Variants in NPHP4 observed in about 807,000 individuals in gnomAD.
NPHP4 encodes nephrocystin 4.
In NPHP4, 151 loss-of-function variants were observed where a neutral mutation model predicts 155.8. The ratio of observed to expected loss-of-function variants is 0.97; its 90% CI spans 0.85 to 1.11. The LOEUF is 1.11. Among genes scored for constraint, NPHP4 ranks in the 50% least tolerant of loss-of-function variants. The pLI, the probability that NPHP4 is intolerant of heterozygous loss-of-function variation, is 0.00. For synonymous variants in NPHP4, 845 were observed against 816.8 expected, an observed-to-expected ratio of 1.03 and a Z score of -0.59; for missense variants, 1,956 against 1,925.7, an observed-to-expected ratio of 1.02 and a Z score of -0.29.
Position 5,864,001 on chromosome 1 carries a change from C to T in NPHP4, c.4029G>A (p.Gly1343=). 3 of 1,613,704 alleles carry T rather than the reference C, an allele frequency of 1.9e-6. No individual in the cohort carries two copies. The highest frequency in any genetic ancestry group is 2.5e-6 in the Non-Finnish European group (3 of 1,179,766). The change falls in exon 29 of 30, where the codon GGG becomes GGA. Residue 1343 remains glycine (G), a synonymous_variant. Coordinates refer to ENST00000378156, the MANE Select transcript of NPHP4 (RefSeq NM_015102.5). ...AFEIMLAAGE[G]KGVNKRITYT... ...AGGTGATCCTCTTGTTGACACCCTT[C>T]CCTTCGCCCGCAGCCAACATGATCT... is the stretch of plus-strand genomic sequence containing the variant.
intron 11 of NPHP4, among the ~76,000 whole-genome samples, chr1:5,915,996 C>T (rs760073855): frequency 4.6e-5 from 7 of 152,198 alleles, no homozygotes; most frequent in Non-Finnish European, 2.9e-5. Flanking sequence ...AGGAATCTAA[C>T]TCCACGTGTC....
intron 12 of NPHP4, among the ~76,000 whole-genome samples, chr1:5,908,826 C>G (rs538540347): frequency 6.6e-6 from 1 of 152,304 alleles, no homozygotes; most frequent in South Asian, 2.1e-4. Context: ...GACCACACCT[C>G]GATGTCTCTC....
At chr1:5,957,109 A>C (rs544405961) in intron 6 of NPHP4, among the ~76,000 whole-genome samples, 1 of 152,342 alleles carries the variant, frequency 6.6e-6, no homozygotes, top group African/African-American at 2.4e-5. Flanking sequence ...ACTGCAGCAG[A>C]GGCGTTCTGC....
At chr1:5,902,095 C>CCT (rs1378809640) in intron 16 of NPHP4, among the ~76,000 whole-genome samples, 2 of 152,236 alleles carry the variant, frequency 1.3e-5, no homozygotes, top group African/African-American at 4.8e-5. Flanking sequence ...CTTCCTGTGG[C>CCT]CTCTCTCTGC....
At chr1:5,980,430 C>A (rs551890852) in intron 2 of NPHP4, among the ~76,000 whole-genome samples, 74 of 152,362 alleles carry the variant, frequency 4.9e-4, no homozygotes, top group Non-Finnish European at 8.8e-4. Flanking sequence ...AGCGTTCAGG[C>A]AGGCCTCACG....
intron 3 of NPHP4, among the ~76,000 whole-genome samples, chr1:5,971,972 C>A (rs1314475015): frequency 6.6e-6 from 1 of 152,254 alleles, no homozygotes; most frequent in Non-Finnish European, 1.5e-5. Flanking sequence ...TTAATGCCTT[C>A]ATCTTCAAAA....
intron 23 of NPHP4, among the ~76,000 whole-genome samples, chr1:5,869,296 T>G (rs1053109411): frequency 4.8e-5 from 7 of 145,528 alleles, no homozygotes; most frequent in African/African-American, 1.5e-4. Flanking sequence ...TGTACACAGA[T>G]GCACAAATAC....
At chr1:5,990,586 A>G (rs895433784) in intron 1 of NPHP4, among the ~76,000 whole-genome samples, 1 of 152,218 alleles carries the variant, frequency 6.6e-6, no homozygotes, top group Non-Finnish European at 1.5e-5. Flanking sequence ...ACAGATGAGA[A>G]CACTGAGACT....
chr1:5,936,691 C>T (rs1646558024), intron 9 of NPHP4, among the ~76,000 whole-genome samples: 1 of 152,190 alleles, frequency 6.6e-6, no homozygotes, highest in Non-Finnish European at 1.5e-5. Context: ...ACAGAAGTGC[C>T]ACACTTGCAT....
At position 5,944,750 on chromosome 1, in the gene NPHP4, A is replaced by C. The variant is rs1171437382; in HGVS notation, c.1119+2354T>G. Among the ~76,000 whole-genome samples, 1 of 152,190 alleles carries C rather than the reference A, an allele frequency of 6.6e-6. No homozygotes were observed. The highest frequency in any genetic ancestry group is 1.5e-5 in the Non-Finnish European group (1 of 68,034). ...TTTGGGAGGCCAAGGAGGGCAGATC[A>C]CTTGAGGTCAGAAGTCTGAGACCTG... On this transcript the variant is annotated intron_variant, in intron 9 of 29. Transcript: ENST00000378156. The surrounding 1 kb of genome is among the most constrained non-coding windows in gnomAD (Gnocchi z 4.3).
chr1:5,945,971 C>T (rs1019382218), intron 9 of NPHP4, among the ~76,000 whole-genome samples: 1 of 152,128 alleles, frequency 6.6e-6, no homozygotes, highest in Non-Finnish European at 1.5e-5. Context: ...CCACCCATTG[C>T]AGTTGAGAGG....
rs1374687295 is a variant in NPHP4, at chr1:5,874,578, G to A, written c.3124C>T (p.His1042Tyr). ...TGGGGGGCCAGGCTGCCACGCAGGT[G>A]GAACATGTCCTCCTCCACCGGTGTG... ...LHTPVEEDMF[H>Y]LRGSLAPQLY... The change falls in exon 22 of 30, where the codon CAC becomes TAC. Residue 1042 changes from histidine to tyrosine, a missense_variant. Transcript: ENST00000378156. 1 of 1,610,038 alleles carries A rather than the reference G, an allele frequency of 6.2e-7. No individual in the cohort carries two copies. Among genetic ancestry groups the A allele is most frequent in the Non-Finnish European group, 8.5e-7 (1 of 1,178,650 alleles).
chr1:5,986,358 A>C, intron 1 of NPHP4, 31 bp from the exon 2 acceptor site: 2 of 1,571,514 alleles, frequency 1.3e-6, no homozygotes, highest in South Asian at 2.3e-5. Flanking sequence ...TAAAGAGAAG[A>C]GCTGTGAGGG....
chr1:5,970,398 G>A (rs1021496087), intron 3 of NPHP4, among the ~76,000 whole-genome samples: 1 of 152,078 alleles, frequency 6.6e-6, no homozygotes, highest in African/African-American at 2.4e-5. Flanking sequence ...AGCTACTTAG[G>A]AGGCTGAGAC....
intron 6 of NPHP4, 91 bp downstream of exon 6, chr1:5,961,703 T>A (rs1426640719): frequency 7.7e-7 from 1 of 1,297,168 alleles, no homozygotes. Flanking sequence ...CGGCCCACGC[T>A]GCCCCCAGAA....
At chr1:5,869,875 A>C (rs971472975) in intron 23 of NPHP4, among the ~76,000 whole-genome samples, 1 of 152,224 alleles carries the variant, frequency 6.6e-6, no homozygotes, top group African/African-American at 2.4e-5. Context: ...AACAGGAAGA[A>C]ACCCGTGATG....
intron 9 of NPHP4, among the ~76,000 whole-genome samples, chr1:5,935,871 T>C (rs1295845460): frequency 1.3e-5 from 2 of 152,110 alleles, no homozygotes; most frequent in Non-Finnish European, 2.9e-5. Flanking sequence ...TGAGACTCCA[T>C]CTCAACAACA....
chr1:5,979,426 G>A (rs1402481727), intron 2 of NPHP4, among the ~76,000 whole-genome samples: 1 of 152,160 alleles, frequency 6.6e-6, no homozygotes, highest in Non-Finnish European at 1.5e-5. Flanking sequence ...AGTTTGGGGA[G>A]AGGGAGCCAG....
At chr1:5,869,005 AC>A (rs1417041297) in intron 23 of NPHP4, among the ~76,000 whole-genome samples, 3 of 129,338 alleles carry the variant, frequency 2.3e-5, no homozygotes, top group South Asian at 2.6e-4. Flanking sequence ...ACACACACGC[AC>A]CCATACACAC....
Sources: gnomAD v4.1 joint callset for allele counts (sites outside exome capture counted in the v4.1 genomes callset) on GRCh38, gnomAD v4.1.1 for gene constraint, Gnocchi (gnomAD v3.1) non-coding constraint, MANE v1.5 for transcripts, NCBI Gene and HGNC (gene_info 2026-07-23, HGNC 2026-07-21) for gene names.